The following ZNF827 variants were observed in gnomAD, a reference collection of about 807,000 sequenced individuals.
ZNF827 encodes the protein zinc finger protein 827.
ZNF827 carries 13 observed loss-of-function variants against 102.4 expected under a neutral mutation model. The ratio of observed to expected loss-of-function variants is 0.13; its 90% CI spans 0.08 to 0.20. The LOEUF (loss-of-function observed/expected upper bound fraction) is 0.20, where lower values mean the gene tolerates loss of function less well. Among genes scored for constraint, ZNF827 ranks in the 10% least tolerant of loss-of-function variants. The probability of loss-of-function intolerance (pLI) is 1.00; values close to 1 mark genes in which losing one functional copy is unlikely to be tolerated. For missense variants in ZNF827, 1,103 were observed against 1,344.4 expected (o/e 0.82, Z 2.81); for synonymous variants, 523 against 536.2 (o/e 0.98, Z 0.34).
chr4:145,837,451 G>C (rs1275314474), intron 7 of ZNF827, among the ~76,000 whole-genome samples: 1 of 150,382 alleles, frequency 6.6e-6, no homozygotes, highest in Non-Finnish European at 1.5e-5. Flanking sequence ...CCAGACACCA[G>C]ACCAACTTAG....
intron 8 of ZNF827, among the ~76,000 whole-genome samples, chr4:145,810,993 CTTTT>C (rs34011180): frequency 2.9e-5 from 4 of 137,952 alleles, no homozygotes; most frequent in Non-Finnish European, 3.1e-5. Context: ...ACTCATTTCG[CTTTT>C]TTTTTTTTTT....
intron 3 of ZNF827, among the ~76,000 whole-genome samples, chr4:145,888,279 TC>T (rs1469633251): frequency 6.6e-6 from 1 of 152,218 alleles, no homozygotes; most frequent in Non-Finnish European, 1.5e-5. Context: ...CTGCAGTTTT[TC>T]CCCCTTCTCT....
intron 1 of ZNF827, among the ~76,000 whole-genome samples, chr4:145,931,503 C>T (rs1753804926): frequency 6.6e-6 from 1 of 152,328 alleles, no homozygotes; most frequent in Middle Eastern, 3.4e-3. Flanking sequence ...TCTATGCCTT[C>T]GCCACAAAGC....
chr4:145,809,071 G>A (rs181356566), intron 8 of ZNF827, among the ~76,000 whole-genome samples: 39 of 152,316 alleles, frequency 2.6e-4, no homozygotes, highest in Non-Finnish European at 5.1e-4. Flanking sequence ...AAAGCATTGG[G>A]ATTACAAGTG....
intron 8 of ZNF827, among the ~76,000 whole-genome samples, chr4:145,814,964 C>A (rs1465251779): frequency 2.0e-5 from 3 of 151,808 alleles, no homozygotes; most frequent in African/African-American, 4.8e-5. Context: ...AACAAAAAAA[C>A]CCAAAAATTG....
intron 8 of ZNF827, among the ~76,000 whole-genome samples, chr4:145,790,790 T>TC (rs1286361936): frequency 1.1e-4 from 16 of 152,246 alleles, no homozygotes; most frequent in South Asian, 2.1e-4. Flanking sequence ...TCAGTCTTCC[T>TC]CTTTCTCTGC....
intron 5 of ZNF827, among the ~76,000 whole-genome samples, chr4:145,866,138 C>T (rs996806078): frequency 4.6e-5 from 7 of 152,220 alleles, no homozygotes; most frequent in Admixed American, 2.6e-4. Context: ...CCCACTGCAT[C>T]TCTGCCCTTG....
Position 145,775,801 on chromosome 4 carries a change from G to T in ZNF827, c.2681C>A (p.Pro894His), listed in dbSNP as rs1304036393. 6.2e-7 allele frequency: 1 copy of T among 1,614,048 alleles called. No homozygotes were observed. Among genetic ancestry groups the T allele is most frequent in the African/African-American group, 1.3e-5 (1 of 74,906 alleles). The change falls in exon 10 of 15, where the codon CCT becomes CAT. Residue 894 changes from proline (P) to histidine (H), a missense_variant. Physicochemically the swap from Pro to His is moderately conservative, Grantham distance 77 (BLOSUM62 -2). Transcript: ENST00000508784. ...TSEGSDGKKH[P>H]YYYSCHVCGF... Reference sequence around the variant, plus strand: ...ATCTGCAACTCACCTGTAATAATAAGGATGTTTCTTCCCATCACTGCCTTC... The same window carrying T: ...ATCTGCAACTCACCTGTAATAATAATGATGTTTCTTCCCATCACTGCCTTC...
At chr4:145,838,708 G>T (rs1745124442) in intron 7 of ZNF827, among the ~76,000 whole-genome samples, 1 of 152,066 alleles carries the variant, frequency 6.6e-6, no homozygotes, top group Non-Finnish European at 1.5e-5. Flanking sequence ...TTATAAAACT[G>T]TATATGTAGT....
chr4:145,764,409 G>A (rs1734969619), intron 13 of ZNF827, among the ~76,000 whole-genome samples: 1 of 152,122 alleles, frequency 6.6e-6, no homozygotes, highest in South Asian at 2.1e-4. Context: ...AGACCAAAGG[G>A]CCTCTTGAAA....
At chr4:145,836,984 A>G (rs1354372808) in intron 7 of ZNF827, among the ~76,000 whole-genome samples, 1 of 152,212 alleles carries the variant, frequency 6.6e-6, no homozygotes, top group African/African-American at 2.4e-5. Context: ...TTTACTCAAC[A>G]TGCCCTGAGT....
intron 7 of ZNF827, chr4:145,839,135 G>C (rs1745170524): frequency 1.3e-5 from 2 of 152,168 alleles, no homozygotes; most frequent in African/African-American, 4.8e-5. Flanking sequence ...AAGTATAAAT[G>C]CCTCCTATTT....
In ZNF827 at chr4:145,861,789, C is replaced by T. The variant is rs563765412; in HGVS notation, c.1981+8456G>A. 9.9e-5 allele frequency among the ~76,000 whole-genome samples: 15 copies of T among 152,262 alleles called. No homozygotes were observed. The East Asian group carries it at 2.7e-3, about 27-fold the overall frequency. On this transcript the variant is annotated intron_variant, in intron 5 of 14. Coordinates refer to ENST00000508784, the MANE Select transcript of ZNF827 (RefSeq NM_001306215.2). ...AGCAGTCCAACAGAAAAGGAATCTA[C>T]GATGAAGGTGGAGCACATTAAATTC...
Position 145,879,121 on chromosome 4 carries a change from GA to G in ZNF827, c.1747+6556del, listed in dbSNP as rs35989476. Among the ~76,000 whole-genome samples the G allele has an allele frequency of 0.013, 1,972 of 149,682 alleles. 89 individuals are homozygous for G. In the South Asian group the frequency reaches 0.14, roughly 11 times the overall value. On this transcript the variant is annotated intron_variant, in intron 4 of 14. Coordinates refer to ENST00000508784, the MANE Select transcript of ZNF827 (RefSeq NM_001306215.2). ...GTCAAAAGACAGTTTGCTCAACTGA[GA>G]AAAAAAAAATAGGTAATAGCTAATT...
At chr4:145,776,036 A>G (rs1737034958) in intron 9 of ZNF827, 76 bp from the exon 10 acceptor site, 3 of 1,542,428 alleles carry the variant, frequency 1.9e-6, no homozygotes, top group Non-Finnish European at 2.7e-6. Context: ...AGAATCAGTT[A>G]AAGGTATCAA....
chr4:145,872,955 T>C (rs1748835086), intron 4 of ZNF827, among the ~76,000 whole-genome samples: 1 of 148,824 alleles, frequency 6.7e-6, no homozygotes, highest in African/African-American at 2.5e-5. Flanking sequence ...CTTTTTTTTT[T>C]TTTTTTGAGA....
rs546140255 is a variant in ZNF827 at position 145,908,395 on chromosome 4, C to T, written c.44-5180G>A. Among the ~76,000 whole-genome samples, 120 of 152,316 alleles carry T rather than the reference C, an allele frequency of 7.9e-4. 2 individuals are homozygous for T. The highest frequency in any genetic ancestry group is 5.5e-3 in the Admixed American group (84 of 15,306). On this transcript the variant is annotated intron_variant, in intron 1 of 14. Coordinates refer to ENST00000508784, the MANE Select transcript of ZNF827 (RefSeq NM_001306215.2). The stretch of plus-strand genomic sequence containing the variant: ...CGGTCAACTCTCTAACAATCAGTGT[C>T]TCCAACACTCTCTTCTTGTGACCAC...
chr4:145,894,333 G>C (rs1750820033), intron 2 of ZNF827, among the ~76,000 whole-genome samples: 1 of 152,160 alleles, frequency 6.6e-6, no homozygotes, highest in African/African-American at 2.4e-5. Context: ...ACCACTGAAG[G>C]ATTGTGGATT....
At chr4:145,767,502 GATCCAA>G (rs1422333941) in intron 11 of ZNF827, among the ~76,000 whole-genome samples, 1 of 152,044 alleles carries the variant, frequency 6.6e-6, no homozygotes, top group Non-Finnish European at 1.5e-5. Flanking sequence ...TAAACCCATA[GATCCAA>G]GAAGCTCAAT....
Sources: allele counts gnomAD v4.1 joint callset (sites outside exome capture counted in the v4.1 genomes callset), GRCh38; gene constraint gnomAD v4.1.1; transcripts MANE v1.5; gene names NCBI Gene and HGNC (gene_info 2026-07-23, HGNC 2026-07-21).